PCLO: variants seen among roughly 807,000 people sequenced by gnomAD.
PCLO encodes protein piccolo.
PCLO carries 82 observed loss-of-function variants against 427.5 expected under a neutral mutation model. That is an observed-to-expected ratio of 0.19 (90% CI 0.16 to 0.23). The LOEUF (loss-of-function observed/expected upper bound fraction) is 0.23. Among genes scored for constraint, PCLO ranks in the 10% least tolerant of loss-of-function variants. The probability of loss-of-function intolerance (pLI) is 1.00; values close to 1 mark genes in which losing one functional copy is unlikely to be tolerated. For missense variants in PCLO, 6,239 were observed against 6,115.9 expected, an observed-to-expected ratio of 1.02 and a Z score of -0.67; for synonymous variants, 2,357 against 2,155.4, an observed-to-expected ratio of 1.09 and a Z score of -2.59.
chr7:83,073,716 A>C (rs976154497), intron 3 of PCLO, among the ~76,000 whole-genome samples: 20 of 151,856 alleles, frequency 1.3e-4, no homozygotes, highest in Non-Finnish European at 2.5e-4. Context: ...TATAATTTTG[A>C]AGCTGAAATT....
At chr7:82,975,369 A>G (rs1423784620) in intron 3 of PCLO, among the ~76,000 whole-genome samples, 1 of 152,182 alleles carries the variant, frequency 6.6e-6, no homozygotes, top group Admixed American at 6.5e-5. Flanking sequence ...CAATCCCCTC[A>G]CTTATAAATT....
intron 3 of PCLO, among the ~76,000 whole-genome samples, chr7:83,121,682 A>G (rs954773382): frequency 2.4e-5 from 1 of 41,090 alleles, no homozygotes; most frequent in Non-Finnish European, 4.1e-5. Context: ...ATGGAAAAAG[A>G]TATTTCATGC....
At chr7:82,815,636 T>C (rs1424667638) in intron 20 of PCLO, among the ~76,000 whole-genome samples, 1 of 152,130 alleles carries the variant, frequency 6.6e-6, no homozygotes, top group Non-Finnish European at 1.5e-5. Context: ...GTAGAAATTA[T>C]ATTTCTCTAC....
intron 3 of PCLO, among the ~76,000 whole-genome samples, chr7:83,047,800 A>G (rs1001233627): frequency 1.3e-5 from 2 of 152,106 alleles, no homozygotes; most frequent in African/African-American, 4.8e-5. Flanking sequence ...CATATGAATA[A>G]CTGGGAGATC....
rs1790592488 is a variant in PCLO, at chr7:83,097,022, TTATATAA to T, written c.3300+37221_3300+37227del. Among the ~76,000 whole-genome samples, 15 of 37,408 alleles carry T rather than the reference TTATATAA, an allele frequency of 4.0e-4. 1 individual carries two copies. The South Asian group carries it at 8.1e-3, about 20-fold the overall frequency. The allele number at this position is 37,408 out of a possible 152,430, so 24.5% of individuals were successfully genotyped here. A position where few individuals can be genotyped will look rare whatever the true frequency, so the allele number is the denominator to read the frequency against. On this transcript the variant is annotated intron_variant, in intron 3 of 24. Coordinates refer to ENST00000333891, the MANE Select transcript of PCLO (RefSeq NM_033026.6). ...TTATATAAATAATATATATTATATA[TTATATAA>T]ATATATATTATATATTATATAAATA...
intron 6 of PCLO, among the ~76,000 whole-genome samples, chr7:82,942,253 T>C (rs1795103753): frequency 6.6e-6 from 1 of 152,210 alleles, no homozygotes; most frequent in Non-Finnish European, 1.5e-5. Context: ...AATAGTGCTG[T>C]GGTTTTAAAC....
intron 3 of PCLO, among the ~76,000 whole-genome samples, chr7:83,099,202 G>T (rs1169150616): frequency 6.7e-6 from 1 of 149,188 alleles, no homozygotes; most frequent in Non-Finnish European, 1.5e-5. Flanking sequence ...TTTGGTGGCA[G>T]CTTGATGAAG....
At chr7:82,764,270 G>A (rs944568906) in intron 22 of PCLO, among the ~76,000 whole-genome samples, 18 of 151,786 alleles carry the variant, frequency 1.2e-4, no homozygotes, top group African/African-American at 4.3e-4. Flanking sequence ...AAGAGGAACA[G>A]GAGTTAGACA....
chr7:83,064,927 A>G (rs1789628817), intron 3 of PCLO, among the ~76,000 whole-genome samples: 2 of 151,916 alleles, frequency 1.3e-5, no homozygotes, highest in Admixed American at 1.3e-4. Context: ...ATGGTGGGAG[A>G]TGGATTCTGT....
chr7:83,052,595 G>A (rs567310450), intron 3 of PCLO, among the ~76,000 whole-genome samples: 6 of 151,980 alleles, frequency 3.9e-5, no homozygotes, highest in African/African-American at 1.4e-4. Context: ...ATTTGTAAAC[G>A]ACTTACTGGA....
Position 82,824,285 on chromosome 7 carries a change from T to C in PCLO, c.14547A>G (p.Pro4849=). Residue 4849 remains proline (P), a synonymous_variant, in exon 19 of 25, where the codon CCA becomes CCG. Coordinates refer to ENST00000333891, the MANE Select transcript of PCLO (RefSeq NM_033026.6). ...SSQSSQQSPK[P]SVIKSRSHGI... ...CATGGCTTCTGCTTTTGATAACAGA[T>C]GGCTTTGGGGACTGCTGGCTGCTCT... The C allele has an allele frequency of 6.2e-7, 1 of 1,613,478 alleles. No homozygotes were observed. The highest frequency in any genetic ancestry group is 8.5e-7 in the Non-Finnish European group (1 of 1,179,684).
chr7:82,906,081 A>G (rs1417280308), intron 8 of PCLO, among the ~76,000 whole-genome samples: 3 of 152,138 alleles, frequency 2.0e-5, no homozygotes, highest in South Asian at 4.1e-4. Context: ...ACACACACAT[A>G]TAAGTATACA....
chr7:82,918,982 A>G (rs996821858), intron 6 of PCLO, among the ~76,000 whole-genome samples: 1 of 152,080 alleles, frequency 6.6e-6, no homozygotes, highest in Non-Finnish European at 1.5e-5. Context: ...TGCCCAGCTT[A>G]GAAGCTATAT....
At chr7:82,888,679 T>A (rs181883166) in intron 9 of PCLO, among the ~76,000 whole-genome samples, 2,367 of 152,304 alleles carry the variant, frequency 0.016, 27 homozygotes, top group Non-Finnish European at 0.023. Flanking sequence ...CCCTATCAAA[T>A]TAAACTTAGA....
At chr7:82,931,739 AAT>A (rs1229140999) in intron 6 of PCLO, among the ~76,000 whole-genome samples, 2 of 152,156 alleles carry the variant, frequency 1.3e-5, no homozygotes, top group African/African-American at 4.8e-5. Context: ...AGATGGGAGC[AAT>A]AGTCTTTTGT....
At chr7:82,787,750 C>T (rs565677443) in intron 22 of PCLO, among the ~76,000 whole-genome samples, 27 of 152,138 alleles carry the variant, frequency 1.8e-4, no homozygotes, top group East Asian at 5.8e-4. Context: ...GATAAACTCA[C>T]GGCTGACTAT....
At chr7:83,160,921 A>C (rs1792419934) in intron 1 of PCLO, among the ~76,000 whole-genome samples, 1 of 152,164 alleles carries the variant, frequency 6.6e-6, no homozygotes, top group Admixed American at 6.5e-5. Flanking sequence ...AATGAACACT[A>C]AATTTTTTTT....
intron 16 of PCLO, among the ~76,000 whole-genome samples, chr7:82,834,670 T>C (rs1792181434): frequency 6.6e-6 from 1 of 152,212 alleles, no homozygotes; most frequent in Admixed American, 6.5e-5. Context: ...ATTTAATTTA[T>C]AATGCAATGA....
chr7:82,795,337 T>C (rs968321757), intron 22 of PCLO, among the ~76,000 whole-genome samples: 4 of 152,290 alleles, frequency 2.6e-5, no homozygotes, highest in African/African-American at 7.2e-5. Flanking sequence ...TTTAATGTTG[T>C]TTTGAATACA....
Sources: gnomAD v4.1 joint callset for allele counts (sites outside exome capture counted in the v4.1 genomes callset) on GRCh38, gnomAD v4.1.1 for gene constraint, MANE v1.5 for transcripts, NCBI Gene and HGNC (gene_info 2026-07-23, HGNC 2026-07-21) for gene names.